Variants in FBXO5 observed in about 807,000 individuals in gnomAD.
FBXO5 encodes F-box protein 5, also known as F-box only protein 5.
FBXO5 carries 8 observed loss-of-function variants against 43.3 expected under a neutral mutation model. That is an observed-to-expected ratio of 0.18 (90% CI 0.11 to 0.33). The LOEUF is 0.33. Ranked by LOEUF, FBXO5 falls within the 10% of genes least tolerant of loss-of-function variation. The probability of loss-of-function intolerance (pLI) is 1.00; values close to 1 mark genes in which losing one functional copy is unlikely to be tolerated. For synonymous variants in FBXO5, 204 were observed against 193.7 expected (o/e 1.05, Z -0.44); for missense variants, 491 against 535.7 (o/e 0.92, Z 0.82).
At position 152,972,477 on chromosome 6, in the gene FBXO5, TAG is replaced by T. The variant is rs767719581; in HGVS notation, c.910-25_910-24del. The T allele has an allele frequency of 3.3e-6, 5 of 1,496,928 alleles. No homozygotes were observed. In the South Asian group the frequency reaches 5.0e-5, roughly 15 times the overall value. 92.7% of individuals were successfully genotyped at this position (1,496,928 alleles called of 1,614,324 possible). On this transcript the variant is annotated intron_variant, in intron 3 of 4. Coordinates refer to ENST00000229758, the MANE Select transcript of FBXO5 (RefSeq NM_012177.5). The stretch of plus-strand genomic sequence containing the variant: ...TTCCTAATTTAAAAAAAAGTTTTAA[TAG>T]AATTTAGAAATTATTTCCTGTATCC...
intron 1 of FBXO5, among the ~76,000 whole-genome samples, chr6:152,977,707 C>T (rs994645818): frequency 1.3e-5 from 2 of 152,198 alleles, no homozygotes; most frequent in African/African-American, 4.8e-5. Flanking sequence ...TATATGACCA[C>T]AATTTACATG....
In FBXO5 at chr6:152,975,371, C is replaced by T. The variant is rs1778152634; in HGVS notation, c.354G>A (p.Lys118=). The T allele has an allele frequency of 6.2e-7, 1 of 1,613,832 alleles. No individual in the cohort carries two copies. The highest frequency in any genetic ancestry group is 1.7e-5 in the Admixed American group (1 of 59,982). Residue 118 remains lysine, a synonymous_variant, in exon 2 of 5, where the codon AAG becomes AAA. Coordinates refer to ENST00000229758, the MANE Select transcript of FBXO5 (RefSeq NM_012177.5). Reference sequence around the variant, plus strand: ...GTGTCTGTTGCACATGTTGATTTTCCTTGTTATGCAAGCGCTTGCTTTCAG... The same window carrying T: ...GTGTCTGTTGCACATGTTGATTTTCTTTGTTATGCAAGCGCTTGCTTTCAG... ...LETESKRLHN[K]ENQHVQQTLN... is the part of the protein sequence containing the mutation.
intron 3 of FBXO5, 113 bp downstream of exon 3, chr6:152,972,933 G>A (rs918810667): frequency 2.9e-6 from 2 of 698,194 alleles, no homozygotes; most frequent in South Asian, 2.3e-5. Flanking sequence ...GTATAAGGCT[G>A]AAATACTTTA....
At chr6:152,981,383 A>G (rs1778255145) in intron 1 of FBXO5, among the ~76,000 whole-genome samples, 1 of 152,238 alleles carries the variant, frequency 6.6e-6, no homozygotes, top group African/African-American at 2.4e-5. Flanking sequence ...TCTGTTAAAT[A>G]ATTAAGTTCC....
At chr6:152,978,040 T>G (rs911582183) in intron 1 of FBXO5, among the ~76,000 whole-genome samples, 2 of 152,052 alleles carry the variant, frequency 1.3e-5, no homozygotes, top group African/African-American at 4.8e-5. Context: ...GAAGTGTAGC[T>G]TAGTTTGCCC....
At position 152,975,014 on chromosome 6, in the gene FBXO5, T is replaced by C. The variant is rs749037838; in HGVS notation, c.711A>G (p.Arg237=). ...GNFRLQNIIG[R]KMGLECVDIL... is the part of the protein sequence containing the mutation. The stretch of plus-strand genomic sequence containing the variant: ...TATCTACACATTCTAGGCCCATTTT[T>C]CTGCCAATTATATTCTGCAGTCTAA... The change falls in exon 2 of 5, where the codon AGA becomes AGG. Residue 237 remains arginine, a synonymous_variant. Transcript: ENST00000229758. 2 of 1,614,176 alleles carry C rather than the reference T, an allele frequency of 1.2e-6. No individual in the cohort carries two copies. The highest frequency in any genetic ancestry group is 1.7e-6 in the Non-Finnish European group (2 of 1,180,040).
At position 152,975,634 on chromosome 6, in the gene FBXO5, C is replaced by A; in HGVS notation, c.104-13G>T. On this transcript the variant is annotated splice_polypyrimidine_tract_variant and intron_variant, in intron 1 of 4. Coordinates refer to ENST00000229758, the MANE Select transcript of FBXO5 (RefSeq NM_012177.5). ...TCTTCTTTACAACCTATAAAAAGAA[C>A]ATAACATTTACATCTTAATGGCAAA... 6.5e-7 allele frequency: 1 copy of A among 1,537,978 alleles called. No individual in the cohort carries two copies. The highest frequency in any genetic ancestry group is 8.7e-7 in the Non-Finnish European group (1 of 1,145,484).
chr6:152,983,205 C>T, upstream of FBXO5: 1 of 382,008 alleles, frequency 2.6e-6, no homozygotes, highest in Non-Finnish European at 4.7e-6. Context: ...CGGGGCCGAG[C>T]CGCGAAGCCC....
At position 152,970,570 on chromosome 6, in the gene FBXO5, CAA is replaced by C. The variant is rs1368320827; in HGVS notation, c.*591_*592del. The C allele has an allele frequency of 2.0e-5, 3 of 152,014 alleles. No homozygotes were observed. The highest frequency in any genetic ancestry group is 2.9e-5 in the Non-Finnish European group (2 of 68,004). 9.4% of individuals were successfully genotyped at this position (152,014 alleles called of 1,614,324 possible). ...CAAAATTTATTTTTATATGTACATACAAGAGACATATTCTTTGACATATAAAA... is the reference window on the plus strand; with the variant it reads ...CAAAATTTATTTTTATATGTACATACGAGACATATTCTTTGACATATAAAA... On this transcript the variant is annotated 3_prime_UTR_variant, in exon 5 of 5. Coordinates refer to ENST00000229758, the MANE Select transcript of FBXO5 (RefSeq NM_012177.5).
intron 1 of FBXO5, among the ~76,000 whole-genome samples, chr6:152,977,848 T>TG (rs1296347800): frequency 6.6e-6 from 1 of 152,198 alleles, no homozygotes; most frequent in Non-Finnish European, 1.5e-5. Context: ...GAACAGTTAC[T>TG]GGGGGGTTGT....
chr6:152,982,760 G>T, intron 1 of FBXO5, 97 bp downstream of exon 1: 1 of 846,396 alleles, frequency 1.2e-6, no homozygotes, highest in Non-Finnish European at 1.7e-6. Context: ...GCGCGTCCAG[G>T]CTCCGAGGGA....
rs747535554 is a variant in FBXO5, at chr6:152,982,186, A to G, written c.103+671T>C. ...GGATGTCCCAGTTGAGTTTGGTCCA[A>G]TGAGTTGGGGGGGTGTCTCTCCATT... On this transcript the variant is annotated intron_variant, in intron 1 of 4. Coordinates refer to ENST00000229758, the MANE Select transcript of FBXO5 (RefSeq NM_012177.5). Among the ~76,000 whole-genome samples the G allele has an allele frequency of 5.3e-5, 8 of 152,162 alleles. No homozygotes were observed. The East Asian group carries it at 9.7e-4, about 18-fold the overall frequency.
chr6:152,974,384 C>T (rs1778132182), intron 2 of FBXO5, among the ~76,000 whole-genome samples: 1 of 152,098 alleles, frequency 6.6e-6, no homozygotes, highest in African/African-American at 2.4e-5. Context: ...GGCTGTTTTA[C>T]AGTTAAGCCC....
At position 152,970,890 on chromosome 6, in the gene FBXO5, T is replaced by C. The variant is rs140616165; in HGVS notation, c.*273A>G. 1.2e-3 allele frequency: 310 copies of C among 258,464 alleles called. No homozygotes were observed. The highest frequency in any genetic ancestry group is 6.6e-3 in the African/African-American group (297 of 44,952). The allele number at this position is 258,464 out of a possible 1,614,324, so 16.0% of individuals were successfully genotyped here. On this transcript the variant is annotated 3_prime_UTR_variant, in exon 5 of 5. Coordinates refer to ENST00000229758, the MANE Select transcript of FBXO5 (RefSeq NM_012177.5). ...TTTACCATAAAATTGAATCAATTTT[T>C]TTTTACCCTCAGTATCACTATCTAC...
rs144773049 is a variant in FBXO5, at chr6:152,971,173, C to T, written c.1334G>A (p.Arg445Gln). The part of the protein sequence containing the change: ...PGTKKSKKNL[R>Q]RL ...TGATTTAATAAGAGATCACAATCTT[C>T]GTAAATTCTTTTTGCTTTTCTTTGT... The change falls in exon 5 of 5, where the codon CGA becomes CAA. Residue 445 changes from arginine (R) to glutamine (Q), a missense_variant. Physicochemically the swap from Arg to Gln is conservative, Grantham distance 43. Transcript: ENST00000229758. 34 of 1,605,890 alleles carry T rather than the reference C, an allele frequency of 2.1e-5. No individual in the cohort carries two copies. The highest frequency in any genetic ancestry group is 1.7e-4 in the Middle Eastern group (1 of 5,984).
At position 152,982,838 on chromosome 6, in the gene FBXO5, G is replaced by A; in HGVS notation, c.103+19C>T. 1 of 1,480,320 alleles carries A rather than the reference G, an allele frequency of 6.8e-7. No individual in the cohort carries two copies. Among genetic ancestry groups the A allele is most frequent in the Non-Finnish European group, 8.9e-7 (1 of 1,119,246 alleles). 91.7% of individuals were successfully genotyped at this position (1,480,320 alleles called of 1,614,324 possible). On this transcript the variant is annotated intron_variant, in intron 1 of 4. Transcript: ENST00000229758. ...CTCCTGGCGTGCGCGCCCCCCTCGC[G>A]ACCGCTCCCCTCACTCACTATCCGA...
chr6:152,973,209 C>A, intron 2 of FBXO5, 73 bp from the exon 3 acceptor site: 1 of 1,164,962 alleles, frequency 8.6e-7, no homozygotes, highest in Non-Finnish European at 1.3e-6. Context: ...AGTAGAAAAA[C>A]ATCAGCAGTG....
rs766507735 is a variant in FBXO5 at position 152,975,066 on chromosome 6, A to C, written c.659T>G (p.Leu220Arg). ...ATTTCCTCTGGCTATAATTTCCTTC[A>C]GCATCTCCCGATCTACTTTAGGATT... is the stretch of plus-strand genomic sequence containing the variant. The part of the protein sequence containing the change: ...KRNPKVDREM[L>R]KEIIARGNFR... Residue 220 changes from leucine (L) to arginine (R), a missense_variant, in exon 2 of 5, where the codon CTG becomes CGG. By Grantham distance (102) the Leu-to-Arg change is moderately radical. Transcript: ENST00000229758. 6.2e-7 allele frequency: 1 copy of C among 1,614,162 alleles called. No individual in the cohort carries two copies.
At chr6:152,982,836 G>A in intron 1 of FBXO5, 21 bp downstream of exon 1, 1 of 1,474,928 alleles carries the variant, frequency 6.8e-7, no homozygotes. Context: ...CGCCCCCCTC[G>A]CGACCGCTCC....
Sources: allele counts gnomAD v4.1 joint callset (sites outside exome capture counted in the v4.1 genomes callset), GRCh38; gene constraint gnomAD v4.1.1; transcripts MANE v1.5; gene names NCBI Gene and HGNC (gene_info 2026-07-23, HGNC 2026-07-21).